Variants in METAP2 observed in about 807,000 individuals in gnomAD.
METAP2 encodes the protein methionyl aminopeptidase 2, also known as methionine aminopeptidase 2.
A neutral mutation model predicts 59.4 loss-of-function variants in METAP2; 25 were observed. That is an observed-to-expected ratio of 0.42 (90% CI 0.31 to 0.59). The LOEUF is 0.59. Ranked by LOEUF, METAP2 falls within the 20% of genes least tolerant of loss-of-function variation. The probability of loss-of-function intolerance (pLI) is 0.16; values close to 1 mark genes in which losing one functional copy is unlikely to be tolerated. For missense variants in METAP2, 366 were observed against 581.2 expected (o/e 0.63, Z 3.81); for synonymous variants, 214 against 194.1 (o/e 1.10, Z -0.85).
intron 4 of METAP2, among the ~76,000 whole-genome samples, chr12:95,493,801 A>G (rs1235215774): frequency 6.6e-6 from 1 of 152,200 alleles, no homozygotes; most frequent in Non-Finnish European, 1.5e-5. Context: ...TTGTGTTGTC[A>G]GGGTATTAGT....
At chr12:95,505,138 C>G (rs2076348191) in intron 8 of METAP2, among the ~76,000 whole-genome samples, 1 of 152,160 alleles carries the variant, frequency 6.6e-6, no homozygotes, top group Non-Finnish European at 1.5e-5. Flanking sequence ...AGTGGAGACT[C>G]TCATGTTGTT....
intron 2 of METAP2, among the ~76,000 whole-genome samples, chr12:95,481,072 T>C (rs1271461350): frequency 6.6e-6 from 1 of 152,200 alleles, no homozygotes; most frequent in Non-Finnish European, 1.5e-5. Context: ...TTTTAAAATA[T>C]GATTTCCAGT....
At chr12:95,492,132 T>TGTGTGTGTGTGTGTGTG (rs1555191428) in intron 4 of METAP2, among the ~76,000 whole-genome samples, 92 of 149,424 alleles carry the variant, frequency 6.2e-4, no homozygotes, top group African/African-American at 2.1e-3. Flanking sequence ...ATATGTGTGT[T>TGTGTGTGTGTGTGTGTG]TGTGTGTGTG....
rs181102414 is a variant in METAP2 at position 95,500,878 on chromosome 12, G to A, written c.868-3187G>A. ...TCGCTTTGGTATCAGAGTAATGCTG[G>A]TTTCATGTAATGACTTAGAAAGTAT... On this transcript the variant is annotated intron_variant, in intron 7 of 10. Coordinates refer to ENST00000323666, the MANE Select transcript of METAP2 (RefSeq NM_006838.4). Among the ~76,000 whole-genome samples, 155 of 152,230 alleles carry A rather than the reference G, an allele frequency of 1.0e-3. 2 individuals carry two copies. The highest frequency in any genetic ancestry group is 3.4e-3 in the Middle Eastern group (1 of 294).
chr12:95,505,209 T>C (rs918483140), intron 8 of METAP2, among the ~76,000 whole-genome samples: 1 of 152,232 alleles, frequency 6.6e-6, no homozygotes, highest in Non-Finnish European at 1.5e-5. Flanking sequence ...TTGCCCATTA[T>C]GTGTTTCTAC....
intron 8 of METAP2, among the ~76,000 whole-genome samples, chr12:95,507,458 A>G (rs564903116): frequency 6.6e-6 from 1 of 152,386 alleles, no homozygotes; most frequent in Admixed American, 6.5e-5. Context: ...CATAAAGAAC[A>G]TGGCAAAATA....
chr12:95,501,441 C>T (rs747673157), intron 7 of METAP2, among the ~76,000 whole-genome samples: 15 of 152,054 alleles, frequency 9.9e-5, no homozygotes, highest in East Asian at 3.8e-4. Context: ...ATTTTGGCCG[C>T]GCGCGGTGGC....
intron 4 of METAP2, among the ~76,000 whole-genome samples, chr12:95,490,566 A>G (rs1276619291): frequency 9.7e-6 from 1 of 102,824 alleles, no homozygotes; most frequent in Admixed American, 1.1e-4. Flanking sequence ...TGAAGCCTGT[A>G]TTTTTTTTTT....
chr12:95,497,835 T>TA (rs2076286221), intron 7 of METAP2, among the ~76,000 whole-genome samples: 2 of 151,914 alleles, frequency 1.3e-5, no homozygotes, highest in South Asian at 2.1e-4. Flanking sequence ...ATTTTTTAAT[T>TA]AAAAAATGTA....
chr12:95,495,936 T>A, intron 6 of METAP2, 68 bp from the exon 7 acceptor site: 1 of 934,498 alleles, frequency 1.1e-6, no homozygotes, highest in Non-Finnish European at 1.6e-6. Context: ...ATTAATAGAT[T>A]AAATGCTGTA....
At chr12:95,507,970 G>A (rs1482155614) in intron 8 of METAP2, among the ~76,000 whole-genome samples, 1 of 141,100 alleles carries the variant, frequency 7.1e-6, no homozygotes, top group East Asian at 2.0e-4. Flanking sequence ...TTTAGTAGAT[G>A]TGGTGTTTCT....
intron 4 of METAP2, among the ~76,000 whole-genome samples, chr12:95,491,311 G>T (rs1398723787): frequency 1.3e-5 from 2 of 152,104 alleles, no homozygotes; most frequent in African/African-American, 2.4e-5. Flanking sequence ...ATTGGGAACT[G>T]CAAAATGGTG....
intron 2 of METAP2, among the ~76,000 whole-genome samples, chr12:95,480,925 C>G (rs116816991): frequency 1.1e-3 from 173 of 152,280 alleles, no homozygotes; most frequent in African/African-American, 3.9e-3. Flanking sequence ...ATTGCTGTCT[C>G]TAAGGTCACA....
chr12:95,513,595 G>A, intron 10 of METAP2, 57 bp from the exon 11 acceptor site: 3 of 1,564,840 alleles, frequency 1.9e-6, no homozygotes, highest in Non-Finnish European at 2.6e-6. Context: ...TTCTTAATGA[G>A]GGAAATCAGT....
intron 1 of METAP2, among the ~76,000 whole-genome samples, chr12:95,474,659 C>T (rs1159904458): frequency 6.6e-6 from 1 of 152,210 alleles, no homozygotes; most frequent in African/African-American, 2.4e-5. Flanking sequence ...CAGAGCACAG[C>T]CCTACCATCT....
chr12:95,486,342 A>G (rs1202876514), intron 4 of METAP2, among the ~76,000 whole-genome samples: 2 of 152,140 alleles, frequency 1.3e-5, no homozygotes, highest in Admixed American at 6.6e-5. Context: ...TCTGAGTGAT[A>G]TAAGGGTTGA....
intron 4 of METAP2, among the ~76,000 whole-genome samples, chr12:95,488,511 CAAA>C (rs537119415): frequency 1.3e-5 from 1 of 76,564 alleles, no homozygotes; most frequent in African/African-American, 5.0e-5. Context: ...TTTGTCTCAC[CAAA>C]AAAAAAAAAA....
intron 2 of METAP2, 145 bp downstream of exon 2, chr12:95,476,323 A>G: frequency 2.1e-6 from 1 of 471,026 alleles, no homozygotes. Context: ...CCTGGCCAAC[A>G]TGTTGAAACC....
At position 95,504,088 on chromosome 12, in the gene METAP2, G is replaced by A; in HGVS notation, c.891G>A (p.Leu297=). The A allele has an allele frequency of 6.2e-7, 1 of 1,613,838 alleles. No individual in the cohort carries two copies. The highest frequency in any genetic ancestry group is 8.5e-7 in the Non-Finnish European group (1 of 1,179,836). ...AGTGTGCTGGAATTGATGTTCGTCT[G>A]TGTGATGTTGGTGAGGCCATCCAAG... ...GIKCAGIDVR[L]CDVGEAIQEV... Residue 297 remains leucine, a synonymous_variant, in exon 8 of 11, where the codon CTG becomes CTA. Coordinates refer to ENST00000323666, the MANE Select transcript of METAP2 (RefSeq NM_006838.4).
Sources: allele counts gnomAD v4.1 joint callset (sites outside exome capture counted in the v4.1 genomes callset), GRCh38; gene constraint gnomAD v4.1.1; transcripts MANE v1.5; gene names NCBI Gene and HGNC (gene_info 2026-07-23, HGNC 2026-07-21).